The following FMNL2 variants were observed in gnomAD, a reference collection of about 807,000 sequenced individuals.
The protein encoded by FMNL2 is formin-like protein 2.
Under a neutral mutation model 130.2 loss-of-function variants are expected in FMNL2, and 51 were observed. The observed-to-expected ratio is 0.39, with a 90% CI of 0.31 to 0.49. The LOEUF is 0.49. FMNL2 is among the 20% of genes least tolerant of loss of function. The pLI, the probability that FMNL2 is intolerant of heterozygous loss-of-function variation, is 0.85. For missense variants in FMNL2, 977 were observed against 1,316.2 expected (o/e 0.74, Z 3.99); for synonymous variants, 465 against 467.1 (o/e 1.00, Z 0.06).
At chr2:152,587,418 CTG>C (rs904996009) in intron 9 of FMNL2, among the ~76,000 whole-genome samples, 1 of 152,222 alleles carries the variant, frequency 6.6e-6, no homozygotes, top group Non-Finnish European at 1.5e-5. Context: ...ACCTCAGTAA[CTG>C]TATGAGATTT....
intron 1 of FMNL2, among the ~76,000 whole-genome samples, chr2:152,365,312 C>T (rs1157883705): frequency 1.3e-5 from 2 of 151,790 alleles, no homozygotes; most frequent in East Asian, 1.9e-4. Context: ...GGGAAAGGCA[C>T]GGTGGTATGG....
chr2:152,593,900 T>TGAGA (rs1558992128), intron 9 of FMNL2, among the ~76,000 whole-genome samples: 2 of 80,748 alleles, frequency 2.5e-5, no homozygotes, highest in African/African-American at 4.5e-5. Flanking sequence ...TGTGTGTGTG[T>TGAGA]GTGAGAGAGA....
intron 1 of FMNL2, among the ~76,000 whole-genome samples, chr2:152,441,801 C>T (rs1053076902): frequency 6.6e-6 from 1 of 151,146 alleles, no homozygotes; most frequent in Admixed American, 6.6e-5. Context: ...TGCCACTGCA[C>T]TCCAGCCTGG....
chr2:152,485,557 G>C (rs1179564530), intron 1 of FMNL2, among the ~76,000 whole-genome samples: 1 of 152,166 alleles, frequency 6.6e-6, no homozygotes, highest in Non-Finnish European at 1.5e-5. Context: ...TAGATAGATA[G>C]ATAGATATAG....
chr2:152,544,512 G>A (rs1179048543), intron 3 of FMNL2, among the ~76,000 whole-genome samples: 1 of 152,180 alleles, frequency 6.6e-6, no homozygotes, highest in African/African-American at 2.4e-5. Context: ...GGGACAGCAA[G>A]ATTCTGTTTT....
At chr2:152,541,325 T>G (rs1375018264) in intron 2 of FMNL2, among the ~76,000 whole-genome samples, 1 of 152,136 alleles carries the variant, frequency 6.6e-6, no homozygotes, top group African/African-American at 2.4e-5. Flanking sequence ...CCCAGCTAAT[T>G]TTTTGTATTT....
intron 4 of FMNL2, among the ~76,000 whole-genome samples, chr2:152,555,720 G>A (rs1695167382): frequency 6.6e-6 from 1 of 152,190 alleles, no homozygotes; most frequent in African/African-American, 2.4e-5. Context: ...TACAGCATAT[G>A]GTAATTACAT....
At chr2:152,590,024 T>C (rs978211158) in intron 9 of FMNL2, among the ~76,000 whole-genome samples, 51 of 140,156 alleles carry the variant, frequency 3.6e-4, no homozygotes, top group African/African-American at 1.3e-3. Flanking sequence ...TACATATATA[T>C]ATACATATAC....
chr2:152,610,107 G>A (rs1698598357), intron 10 of FMNL2, among the ~76,000 whole-genome samples: 1 of 152,152 alleles, frequency 6.6e-6, no homozygotes. Flanking sequence ...ATGGAAAGAT[G>A]GGTCAAGGAT....
At chr2:152,593,874 T>A (rs1173290436) in intron 9 of FMNL2, among the ~76,000 whole-genome samples, 288 of 94,188 alleles carry the variant, frequency 3.1e-3, no homozygotes, top group African/African-American at 0.012. Context: ...TGTGTGTGTG[T>A]GTGTGTGTGT....
intron 1 of FMNL2, chr2:152,390,588 A>G (rs1035624763): frequency 7.7e-7 from 1 of 1,301,430 alleles, no homozygotes; most frequent in Admixed American, 1.7e-5. Flanking sequence ...GAAGAAGTTC[A>G]TGGATCAGCA....
At chr2:152,463,360 A>T (rs1178978068) in intron 1 of FMNL2, among the ~76,000 whole-genome samples, 1 of 152,218 alleles carries the variant, frequency 6.6e-6, no homozygotes, top group Non-Finnish European at 1.5e-5. Flanking sequence ...TTGGTGATGA[A>T]GAAATCAAGG....
intron 1 of FMNL2, among the ~76,000 whole-genome samples, chr2:152,450,324 A>C (rs1020321186): frequency 6.6e-6 from 1 of 152,202 alleles, no homozygotes; most frequent in Non-Finnish European, 1.5e-5. Context: ...TTCCCTTCTG[A>C]TTAACATAAC....
chr2:152,614,496 G>A (rs985564490), intron 11 of FMNL2, among the ~76,000 whole-genome samples: 11 of 152,224 alleles, frequency 7.2e-5, no homozygotes, highest in Non-Finnish European at 1.5e-4. Context: ...TGTAATCCCA[G>A]CACTTTGGGA....
In FMNL2 at chr2:152,358,548, G is replaced by A. The variant is rs559330944; in HGVS notation, c.117+22828G>A. On this transcript the variant is annotated intron_variant, in intron 1 of 25. Coordinates refer to ENST00000288670, the MANE Select transcript of FMNL2 (RefSeq NM_052905.4). ...CACCTGTAGTCCCAGCTACTTGGGA[G>A]GCTGAGGCAGAAGAATTGCTTGAAC... 6.6e-5 allele frequency among the ~76,000 whole-genome samples: 10 copies of A among 152,206 alleles called. No homozygotes were observed. In the South Asian group the frequency reaches 2.1e-3, roughly 32 times the overall value.
intron 9 of FMNL2, among the ~76,000 whole-genome samples, chr2:152,582,328 C>CT (rs1696838048): frequency 1.3e-5 from 2 of 152,286 alleles, no homozygotes; most frequent in African/African-American, 4.8e-5. Flanking sequence ...GTTCTAGACA[C>CT]CAGCCTGTGA....
At chr2:152,410,755 C>T (rs10174137) in intron 1 of FMNL2, among the ~76,000 whole-genome samples, 15,555 of 152,214 alleles carry the variant, frequency 0.1, 1,402 homozygotes, top group African/African-American at 0.24. Flanking sequence ...TAAACTTATT[C>T]TTCTGGGTAA....
Position 152,335,731 on chromosome 2 carries a change from G to A in FMNL2, c.117+11G>A, listed in dbSNP as rs747998127. 5.8e-6 allele frequency: 9 copies of A among 1,556,766 alleles called. No homozygotes were observed. Among genetic ancestry groups the A allele is most frequent in the South Asian group, 1.2e-5 (1 of 85,880 alleles). On this transcript the variant is annotated intron_variant, in intron 1 of 25. Transcript: ENST00000288670. Reference sequence around the variant, plus strand: ...TTTGCCATCGTGCTGGTAAGTGCGCGGCGGCGGTCGGGCGCGGGGACCCGG... The same window carrying A: ...TTTGCCATCGTGCTGGTAAGTGCGCAGCGGCGGTCGGGCGCGGGGACCCGG...
intron 1 of FMNL2, among the ~76,000 whole-genome samples, chr2:152,346,915 C>T (rs1246165699): frequency 6.6e-6 from 1 of 151,622 alleles, no homozygotes; most frequent in Admixed American, 6.6e-5. Context: ...CATGGTGAAA[C>T]CCCGTATCTA....
Sources: allele counts gnomAD v4.1 joint callset (sites outside exome capture counted in the v4.1 genomes callset), GRCh38; gene constraint gnomAD v4.1.1; transcripts MANE v1.5; gene names NCBI Gene and HGNC (gene_info 2026-07-23, HGNC 2026-07-21).